The following FLOT2 variants were observed in gnomAD, a reference collection of about 807,000 sequenced individuals.
FLOT2 encodes the protein flotillin 2, also known as flotillin-2.
In FLOT2, 35 loss-of-function variants were observed where a neutral mutation model predicts 54.9. The observed-to-expected ratio is 0.64, with a 90% CI of 0.49 to 0.84. FLOT2 has a LOEUF of 0.84. Among genes scored for constraint, FLOT2 ranks in the 40% least tolerant of loss-of-function variants. The probability of loss-of-function intolerance (pLI) is 0.00; values close to 1 mark genes in which losing one functional copy is unlikely to be tolerated. For missense variants in FLOT2, 464 were observed against 572.1 expected (o/e 0.81, Z 1.93); for synonymous variants, 207 against 228.9 (o/e 0.90, Z 0.86).
At chr17:28,886,338 C>T (rs1041542628) in intron 2 of FLOT2, among the ~76,000 whole-genome samples, 13 of 152,340 alleles carry the variant, frequency 8.5e-5, no homozygotes, top group Non-Finnish European at 1.9e-4. Flanking sequence ...CTTAGCCCCC[C>T]GTCTTCACAC....
At position 28,897,594 on chromosome 17, in the gene FLOT2, G is replaced by A. The variant is rs778002860; in HGVS notation, c.-20C>T. 6.3e-7 allele frequency: 1 copy of A among 1,583,698 alleles called. No homozygotes were observed. The highest frequency in any genetic ancestry group is 8.6e-7 in the Non-Finnish European group (1 of 1,165,662). On this transcript the variant is annotated 5_prime_UTR_variant, in exon 1 of 11. Transcript: ENST00000394908. This position sits in a 1 kb window ranked among gnomAD's most constrained non-coding sequence, Gnocchi z 4.4. Reference sequence around the variant, plus strand: ...GCCCATGGCGCCGGCGGCACGGAGGGCCCTCGGGACCGCACAGACCCGGAC... The same window carrying A: ...GCCCATGGCGCCGGCGGCACGGAGGACCCTCGGGACCGCACAGACCCGGAC...
rs920365073 is a variant in FLOT2, at chr17:28,879,865, C to T, written c.*696G>A. ...TTCCCTGAGCACAAGCAGGGGCCTC[C>T]TAAGGCAGTAGGAAACTGAGGAAGC... On this transcript the variant is annotated 3_prime_UTR_variant, in exon 11 of 11. Transcript: ENST00000394908. The T allele has an allele frequency of 1.0e-5, 10 of 985,886 alleles. No homozygotes were observed. The highest frequency in any genetic ancestry group is 1.2e-4 in the Admixed American group (2 of 16,270). The allele number at this position is 985,886 out of a possible 1,614,324, so 61.1% of individuals were successfully genotyped here. A position where few individuals can be genotyped will look rare whatever the true frequency, so the allele number is the denominator to read the frequency against.
chr17:28,894,083 CGGTCTCAAACTCTG>C (rs2039698005), intron 1 of FLOT2, among the ~76,000 whole-genome samples: 1 of 152,200 alleles, frequency 6.6e-6, no homozygotes, highest in South Asian at 2.1e-4. Context: ...TTGCACAAGC[CGGTCTCAAACTCTG>C]GGCCTCAAGT....
chr17:28,888,897 T>C (rs1373152636), intron 2 of FLOT2, 48 bp downstream of exon 2: 2 of 1,386,804 alleles, frequency 1.4e-6, no homozygotes, highest in African/African-American at 1.5e-5. Context: ...GAAGCCCCTC[T>C]CTCCCTGGCC....
chr17:28,881,055 C>A, intron 9 of FLOT2, 137 bp downstream of exon 9: 1 of 1,022,394 alleles, frequency 9.8e-7, no homozygotes, highest in Non-Finnish European at 1.4e-6. Flanking sequence ...CTGCCCCCTG[C>A]TGAGGATGCT....
At chr17:28,886,067 G>GGT (rs2039540785) in intron 2 of FLOT2, 5 of 579,696 alleles carry the variant, frequency 8.6e-6, no homozygotes, top group Non-Finnish European at 1.3e-5. Flanking sequence ...GCGGGGGGGG[G>GGT]CATGCTGTCA....
intron 2 of FLOT2, chr17:28,886,063 G>GA: frequency 4.9e-6 from 3 of 610,586 alleles, no homozygotes; most frequent in Middle Eastern, 8.6e-4. Flanking sequence ...GGGGGCGGGG[G>GA]GGGGCATGCT....
chr17:28,879,415 A>C lies in FLOT2; in HGVS notation c.*1146T>G. On this transcript the variant is annotated 3_prime_UTR_variant, in exon 11 of 11. Transcript: ENST00000394908. ...GCAACATCCAAGCCCCAGACCAGAC[A>C]TGCAGCATCCACATGCAGGAAGAGC... is the stretch of plus-strand genomic sequence containing the variant. 1 of 988,224 alleles carries C rather than the reference A, an allele frequency of 1.0e-6. No individual in the cohort carries two copies. Among genetic ancestry groups the C allele is most frequent in the Non-Finnish European group, 1.2e-6 (1 of 830,276 alleles). The allele number at this position is 988,224 out of a possible 1,614,324, so 61.2% of individuals were successfully genotyped here. A position where few individuals can be genotyped will look rare whatever the true frequency, so the allele number is the denominator to read the frequency against.
intron 1 of FLOT2, among the ~76,000 whole-genome samples, chr17:28,895,382 CT>C (rs967204278): frequency 2.0e-5 from 3 of 150,496 alleles, no homozygotes; most frequent in Non-Finnish European, 4.4e-5. Flanking sequence ...GAATTATTTC[CT>C]TTTTTTTTGA....
intron 2 of FLOT2, among the ~76,000 whole-genome samples, chr17:28,886,402 T>C (rs1294453229): frequency 6.6e-6 from 1 of 152,220 alleles, no homozygotes; most frequent in Non-Finnish European, 1.5e-5. Flanking sequence ...TGGGGACTCC[T>C]GAGCTTTAGC....
intron 1 of FLOT2, among the ~76,000 whole-genome samples, chr17:28,889,703 G>C (rs987321774): frequency 1.3e-5 from 2 of 148,278 alleles, no homozygotes; most frequent in Non-Finnish European, 3.0e-5. Flanking sequence ...GCAGTGGCGT[G>C]ATCTTGGCTC....
intron 1 of FLOT2, among the ~76,000 whole-genome samples, chr17:28,889,916 G>A (rs2039616502): frequency 6.6e-6 from 1 of 152,188 alleles, no homozygotes; most frequent in South Asian, 2.1e-4. Flanking sequence ...GGGATTACAG[G>A]CATGAGCCAC....
rs764200079 is a variant in FLOT2 at position 28,881,954 on chromosome 17, C to T, written c.774G>A (p.Glu258=). Reference sequence around the variant, plus strand: ...GTTTCTTGCGCTGCACAACCTCAATCTCAATCTCTTCCTGCCGGATCTTCT... The same window carrying T: ...GTTTCTTGCGCTGCACAACCTCAATTTCAATCTCTTCCTGCCGGATCTTCT... ...EQQKIRQEEI[E]IEVVQRKKQI... The change falls in exon 8 of 11, where the codon GAG becomes GAA. Residue 258 remains glutamate (E), a synonymous_variant. Transcript: ENST00000394908. 7 of 1,614,128 alleles carry T rather than the reference C, an allele frequency of 4.3e-6. No homozygotes were observed. The highest frequency in any genetic ancestry group is 1.3e-5 in the African/African-American group (1 of 75,056).
intron 1 of FLOT2, among the ~76,000 whole-genome samples, chr17:28,890,211 T>A (rs2039623086): frequency 6.6e-6 from 1 of 152,152 alleles, no homozygotes; most frequent in African/African-American, 2.4e-5. Flanking sequence ...AAACAAAGGC[T>A]AACTTGTGGT....
At chr17:28,889,050 C>A (rs762985111) in intron 1 of FLOT2, 24 bp from the exon 2 acceptor site, 1 of 1,607,804 alleles carries the variant, frequency 6.2e-7, no homozygotes, top group Non-Finnish European at 8.5e-7. Flanking sequence ...CAAACCACCG[C>A]AAGTCAGTCG....
intron 1 of FLOT2, among the ~76,000 whole-genome samples, chr17:28,896,825 T>C (rs2039749333): frequency 6.6e-6 from 1 of 152,162 alleles, no homozygotes; most frequent in African/African-American, 2.4e-5. Flanking sequence ...TTGCAAGGTG[T>C]CAGCCGCTTC....
Position 28,895,072 on chromosome 17 carries a change from T to A in FLOT2, c.49+2454A>T, listed in dbSNP as rs528972487. On this transcript the variant is annotated intron_variant, in intron 1 of 10. Transcript: ENST00000394908. ...GACCACAGGTATGTGCCACCACTCC[T>A]GGCTAATTTTTTTTTTTTTTGGTAG... Among the ~76,000 whole-genome samples, 4 of 150,700 alleles carry A rather than the reference T, an allele frequency of 2.7e-5. No homozygotes were observed. The South Asian group carries it at 8.4e-4, about 31-fold the overall frequency.
In FLOT2 at chr17:28,881,386, C is replaced by T; in HGVS notation, c.915-11G>A. 1 of 1,608,760 alleles carries T rather than the reference C, an allele frequency of 6.2e-7. No homozygotes were observed. Among genetic ancestry groups the T allele is most frequent in the Non-Finnish European group, 8.5e-7 (1 of 1,179,764 alleles). ...AGGACCTGCTTCACCCTGGGGGAGC[C>T]CAGGCCAGTTAGGATCAGTGGGACG... On this transcript the variant is annotated splice_polypyrimidine_tract_variant and intron_variant, in intron 8 of 10. Coordinates refer to ENST00000394908, the MANE Select transcript of FLOT2 (RefSeq NM_004475.3).
rs1275866891 is a variant in FLOT2, at chr17:28,880,336, A to G, written c.*225T>C. 1.4e-6 allele frequency: 2 copies of G among 1,404,630 alleles called. No individual in the cohort carries two copies. Among genetic ancestry groups the G allele is most frequent in the Non-Finnish European group, 1.8e-6 (2 of 1,081,322 alleles). The allele number at this position is 1,404,630 out of a possible 1,614,324, so 87.0% of individuals were successfully genotyped here. A position where few individuals can be genotyped will look rare whatever the true frequency, so the allele number is the denominator to read the frequency against. ...AGACACGCAGGGAGATGAGACACAA[A>G]CCTGATGAAAGTGGCAGTGAAAGTG... On this transcript the variant is annotated 3_prime_UTR_variant, in exon 11 of 11. Transcript: ENST00000394908.
Sources: gnomAD v4.1 joint callset for allele counts (sites outside exome capture counted in the v4.1 genomes callset) on GRCh38, gnomAD v4.1.1 for gene constraint, Gnocchi (gnomAD v3.1) non-coding constraint, MANE v1.5 for transcripts, NCBI Gene and HGNC (gene_info 2026-07-23, HGNC 2026-07-21) for gene names.